The following IGF1R variants were observed in gnomAD, a reference collection of about 807,000 sequenced individuals.
The protein encoded by IGF1R is insulin like growth factor 1 receptor.
In IGF1R, 44 loss-of-function variants were observed where a neutral mutation model predicts 144.6. The observed-to-expected ratio is 0.30, with a 90% CI of 0.24 to 0.39. The LOEUF (loss-of-function observed/expected upper bound fraction) is 0.39, where lower values mean the gene tolerates loss of function less well. Ranked by LOEUF, IGF1R falls within the 10% of genes least tolerant of loss-of-function variation. The pLI is 1.00. For synonymous variants in IGF1R, 795 were observed against 722.8 expected, an observed-to-expected ratio of 1.10 and a Z score of -1.60; for missense variants, 1,355 against 1,833.7, an observed-to-expected ratio of 0.74 and a Z score of 4.77.
intron 5 of IGF1R, among the ~76,000 whole-genome samples, chr15:98,905,133 C>T (rs58684416): frequency 6.6e-6 from 1 of 152,142 alleles, no homozygotes; most frequent in Non-Finnish European, 1.5e-5. Context: ...ATGGAGTGCT[C>T]TGAACCGTGT....
Position 98,728,324 on chromosome 15 carries a change from C to T in IGF1R, c.640+20217C>T, listed in dbSNP as rs1047760221. Reference sequence around the variant, plus strand: ...CGGGCTGGGTGGGGATGAGAATGGTCGGGTTGTCTAGACTCAGCCTGGACT... The same window carrying T: ...CGGGCTGGGTGGGGATGAGAATGGTTGGGTTGTCTAGACTCAGCCTGGACT... On this transcript the variant is annotated intron_variant, in intron 2 of 20. Transcript: ENST00000650285. Among the ~76,000 whole-genome samples, 4 of 151,996 alleles carry T rather than the reference C, an allele frequency of 2.6e-5. No individual in the cohort carries two copies. The East Asian group carries it at 7.8e-4, about 30-fold the overall frequency.
chr15:98,893,428 C>T (rs899309106), intron 3 of IGF1R: 37 of 152,186 alleles, frequency 2.4e-4, no homozygotes, highest in African/African-American at 8.9e-4. Context: ...GTAGAGGATA[C>T]ATATTACATC....
At chr15:98,866,338 C>T (rs1045461789) in intron 2 of IGF1R, among the ~76,000 whole-genome samples, 1 of 152,192 alleles carries the variant, frequency 6.6e-6, no homozygotes, top group African/African-American at 2.4e-5. Context: ...CTTCCCATTG[C>T]ATGTGGGAAG....
intron 19 of IGF1R, among the ~76,000 whole-genome samples, chr15:98,943,895 C>G (rs1338695544): frequency 6.6e-6 from 1 of 151,840 alleles, no homozygotes; most frequent in African/African-American, 2.4e-5. Flanking sequence ...TTTTTTTAAC[C>G]TCGTAAACCT....
chr15:98,656,373 A>AG (rs1268419479), intron 1 of IGF1R, among the ~76,000 whole-genome samples: 1 of 152,052 alleles, frequency 6.6e-6, no homozygotes, highest in Non-Finnish European at 1.5e-5. Flanking sequence ...AACATGGTGC[A>AG]CCCCCTTTCT....
At position 98,924,004 on chromosome 15, in the gene IGF1R, C is replaced by G. The variant is rs200208883; in HGVS notation, c.2614C>G (p.Gln872Glu). 4 of 1,614,108 alleles carry G rather than the reference C, an allele frequency of 2.5e-6. No individual in the cohort carries two copies. In the African/African-American group the frequency reaches 4.0e-5, roughly 16 times the overall value. ...ILMYEIKYGS[Q>E]VEDQRECVSR... The stretch of plus-strand genomic sequence containing the variant: ...AATGTATGAAATAAAATACGGATCA[C>G]AAGTTGAGGTAGGACTGGGGCAGTG... The change falls in exon 12 of 21, where the codon CAA (glutamine) becomes GAA (glutamate). Residue 872 changes from glutamine to glutamate, a missense_variant. Around this residue, in one of 7 missense-constraint regions of IGF1R, gnomAD observed 880 missense variants for 1,202.7 expected, o/e 0.73. Coordinates refer to ENST00000650285, the MANE Select transcript of IGF1R (RefSeq NM_000875.5).
intron 2 of IGF1R, among the ~76,000 whole-genome samples, chr15:98,823,210 CTT>C (rs2056833946): frequency 6.6e-6 from 1 of 152,250 alleles, no homozygotes; most frequent in African/African-American, 2.4e-5. Flanking sequence ...GTTCCTCTCT[CTT>C]TCTGTTTGAA....
chr15:98,926,980 T>G (rs567474653), intron 13 of IGF1R, among the ~76,000 whole-genome samples: 1 of 152,168 alleles, frequency 6.6e-6, no homozygotes, highest in East Asian at 1.9e-4. Context: ...CTCCCCTCCA[T>G]CTCCTAGAAA....
chr15:98,718,978 A>G (rs887442931), intron 2 of IGF1R, among the ~76,000 whole-genome samples: 7 of 151,706 alleles, frequency 4.6e-5, no homozygotes, highest in Non-Finnish European at 1.0e-4. Flanking sequence ...TTCCGTTCCT[A>G]TTTCTTGACC....
intron 2 of IGF1R, among the ~76,000 whole-genome samples, chr15:98,825,392 C>T (rs1181784012): frequency 6.6e-6 from 1 of 152,180 alleles, no homozygotes; most frequent in African/African-American, 2.4e-5. Flanking sequence ...AACCAGGGAT[C>T]CCCAACCCCT....
intron 5 of IGF1R, among the ~76,000 whole-genome samples, chr15:98,906,904 G>T (rs914622303): frequency 5.9e-5 from 9 of 152,180 alleles, no homozygotes. Context: ...GTGCTGGCAG[G>T]ACTCCAACCT....
At chr15:98,745,961 A>G (rs149464422) in intron 2 of IGF1R, among the ~76,000 whole-genome samples, 2 of 152,354 alleles carry the variant, frequency 1.3e-5, no homozygotes, top group East Asian at 3.9e-4. Context: ...GTAATACGTT[A>G]GAAATAACCC....
Position 98,933,716 on chromosome 15 carries a change from C to T in IGF1R, c.2957-1108C>T, listed in dbSNP as rs75926573. Among the ~76,000 whole-genome samples the T allele has an allele frequency of 4.0e-3, 603 of 152,290 alleles. 3 individuals are homozygous for T. Among genetic ancestry groups the T allele is most frequent in the African/African-American group, 0.014 (576 of 41,552 alleles). On this transcript the variant is annotated intron_variant, in intron 15 of 20. Coordinates refer to ENST00000650285, the MANE Select transcript of IGF1R (RefSeq NM_000875.5). ...GGCTTGGTATCTACTGTGCATTCCT[C>T]CCAAATCTCTACCCATTGGTCAAGG...
At chr15:98,786,815 G>A (rs1340671061) in intron 2 of IGF1R, among the ~76,000 whole-genome samples, 1 of 152,174 alleles carries the variant, frequency 6.6e-6, no homozygotes, top group Non-Finnish European at 1.5e-5. Flanking sequence ...ATGACTGTAG[G>A]ACAGAGAACT....
At chr15:98,953,028 ATGAAAGAATGGCCTCCG>A (rs981562120) in intron 20 of IGF1R, 1 of 152,232 alleles carries the variant, frequency 6.6e-6, no homozygotes, top group Non-Finnish European at 1.5e-5. Context: ...GCTACAAGAC[ATGAAAGAATGGCCTCCG>A]TTTATCCCGG....
intron 1 of IGF1R, among the ~76,000 whole-genome samples, chr15:98,695,366 G>T (rs1395252914): frequency 2.6e-5 from 4 of 152,184 alleles, no homozygotes; most frequent in African/African-American, 9.7e-5. Context: ...TGGTGAGATG[G>T]CTGTCAGCAT....
At chr15:98,924,147 TGGGTCTTTCTACCCACTCTGTA>T (rs995947903) in intron 12 of IGF1R, 135 bp downstream of exon 12, 56 of 916,094 alleles carry the variant, frequency 6.1e-5, no homozygotes, top group Middle Eastern at 2.8e-4. Context: ...GGTGAGGATT[TGGGTCTTTCTACCCACTCTGTA>T]CTCTCCAAGG....
At chr15:98,894,570 A>G (rs148686117) in intron 3 of IGF1R, among the ~76,000 whole-genome samples, 26 of 152,314 alleles carry the variant, frequency 1.7e-4, no homozygotes, top group Non-Finnish European at 2.5e-4. Context: ...ACCTCAAAAG[A>G]TCACATACTG....
intron 2 of IGF1R, among the ~76,000 whole-genome samples, chr15:98,819,347 A>G (rs1178289761): frequency 6.6e-6 from 1 of 152,190 alleles, no homozygotes; most frequent in African/African-American, 2.4e-5. Flanking sequence ...TAATCTATGC[A>G]TTGAAACCTA....
Sources: gnomAD v4.1 joint callset for allele counts (sites outside exome capture counted in the v4.1 genomes callset) on GRCh38, gnomAD v4.1.1 for gene constraint, gnomAD v4.1.1 regional missense constraint, MANE v1.5 for transcripts, NCBI Gene and HGNC (gene_info 2026-07-23, HGNC 2026-07-21) for gene names.